BBX: variants seen among roughly 807,000 people sequenced by gnomAD.
The protein encoded by BBX is HMG box transcription factor BBX.
In BBX, 30 loss-of-function variants were observed where a neutral mutation model predicts 100.2. That is an observed-to-expected ratio of 0.30 (90% CI 0.22 to 0.41). The LOEUF (loss-of-function observed/expected upper bound fraction) is 0.41. Among genes scored for constraint, BBX ranks in the 10% least tolerant of loss-of-function variants. BBX has a pLI of 1.00. For missense variants in BBX, 1,023 were observed against 1,129.8 expected, an observed-to-expected ratio of 0.91 and a Z score of 1.35; for synonymous variants, 376 against 388.1, an observed-to-expected ratio of 0.97 and a Z score of 0.37.
intron 5 of BBX, among the ~76,000 whole-genome samples, chr3:107,725,118 C>T (rs1384111216): frequency 1.3e-5 from 2 of 152,054 alleles, no homozygotes; most frequent in Admixed American, 1.3e-4. Context: ...TGAAGAGGTC[C>T]TTCACATCCC....
At chr3:107,583,021 CG>C (rs1386870876) in intron 2 of BBX, among the ~76,000 whole-genome samples, 1 of 151,398 alleles carries the variant, frequency 6.6e-6, no homozygotes, top group Non-Finnish European at 1.5e-5. Flanking sequence ...TGTCATTAGA[CG>C]CAAGGCTGTT....
intron 3 of BBX, chr3:107,659,881 G>A: frequency 1.9e-6 from 1 of 524,264 alleles, no homozygotes; most frequent in Non-Finnish European, 3.0e-6. Flanking sequence ...AATTAAGAGG[G>A]ACGTATAATA....
chr3:107,736,636 A>G (rs557378979), intron 7 of BBX, among the ~76,000 whole-genome samples: 48 of 152,224 alleles, frequency 3.2e-4, no homozygotes, highest in Admixed American at 6.5e-4. Flanking sequence ...AAATCCTTAT[A>G]TTTGTTAGTT....
intron 2 of BBX, among the ~76,000 whole-genome samples, chr3:107,580,991 A>G (rs897894447): frequency 6.6e-6 from 1 of 152,232 alleles, no homozygotes; most frequent in Non-Finnish European, 1.5e-5. Context: ...TTCTGTAACT[A>G]TGCAAACAAA....
At chr3:107,755,489 G>A (rs1369913887) in intron 9 of BBX, 109 bp from the exon 10 acceptor site, 10 of 885,630 alleles carry the variant, frequency 1.1e-5, no homozygotes, top group Non-Finnish European at 1.7e-5. Context: ...TGGTACATGG[G>A]AGCAATGATA....
At chr3:107,767,066 A>AG (rs2066453397) in intron 10 of BBX, among the ~76,000 whole-genome samples, 1 of 152,210 alleles carries the variant, frequency 6.6e-6, no homozygotes, top group African/African-American at 2.4e-5. Flanking sequence ...ATAGGGAGCT[A>AG]GGGGAGGGAG....
chr3:107,564,079 A>G (rs1400288347), intron 2 of BBX, among the ~76,000 whole-genome samples: 1 of 151,174 alleles, frequency 6.6e-6, no homozygotes, highest in Non-Finnish European at 1.5e-5. Context: ...TTTTTTTTCC[A>G]GTCTGATTTG....
At chr3:107,651,656 A>C (rs1488560723) in intron 3 of BBX, among the ~76,000 whole-genome samples, 2 of 152,120 alleles carry the variant, frequency 1.3e-5, no homozygotes, top group Non-Finnish European at 2.9e-5. Flanking sequence ...TATACTTAAG[A>C]TTTTTGGTAA....
chr3:107,716,450 A>T (rs973516328), intron 4 of BBX, 157 bp from the exon 5 acceptor site: 24 of 863,252 alleles, frequency 2.8e-5, no homozygotes, highest in Middle Eastern at 3.4e-4. Flanking sequence ...CCAACCATGA[A>T]CAGTGGTTGT....
chr3:107,723,114 G>A (rs1409835081), intron 5 of BBX, among the ~76,000 whole-genome samples: 1 of 151,826 alleles, frequency 6.6e-6, no homozygotes, highest in East Asian at 1.9e-4. Flanking sequence ...TCATATATTT[G>A]CACCAGAGTC....
intron 13 of BBX, among the ~76,000 whole-genome samples, chr3:107,788,259 G>A (rs962482797): frequency 3.9e-5 from 6 of 152,168 alleles, no homozygotes; most frequent in Admixed American, 1.3e-4. Context: ...AAAGGAGAGA[G>A]AGGGAAATAT....
At chr3:107,664,217 A>G (rs2058621897) in intron 3 of BBX, among the ~76,000 whole-genome samples, 1 of 152,084 alleles carries the variant, frequency 6.6e-6, no homozygotes, top group Non-Finnish European at 1.5e-5. Context: ...CTTCTTCAGG[A>G]TATATGTTCA....
chr3:107,715,693 A>G (rs2062049066), intron 4 of BBX, among the ~76,000 whole-genome samples: 1 of 152,252 alleles, frequency 6.6e-6, no homozygotes, highest in Non-Finnish European at 1.5e-5. Context: ...AGCCATGTGC[A>G]AGAAGTATTG....
At chr3:107,569,751 G>C (rs1015963950) in intron 2 of BBX, among the ~76,000 whole-genome samples, 8 of 152,220 alleles carry the variant, frequency 5.3e-5, no homozygotes, top group African/African-American at 1.7e-4. Context: ...ATGGAGGCAA[G>C]GGAAACAGGC....
At chr3:107,700,588 CT>C (rs2060970575) in intron 3 of BBX, among the ~76,000 whole-genome samples, 1 of 125,462 alleles carries the variant, frequency 8.0e-6, no homozygotes, top group African/African-American at 3.0e-5. Context: ...TCCCTTCCCC[CT>C]CCCCCCACCC....
chr3:107,582,058 G>A (rs2052317884), intron 2 of BBX, among the ~76,000 whole-genome samples: 1 of 151,712 alleles, frequency 6.6e-6, no homozygotes, highest in South Asian at 2.1e-4. Flanking sequence ...CAAAACTTTA[G>A]GCAGAAGCAG....
rs1230482172 is a variant in BBX at position 107,716,799 on chromosome 3, G to A, written c.355G>A (p.Ala119Thr). The part of the protein sequence containing the change: ...GATKILADWW[A>T]VLDPKEKQKY... ...TACCAAGATACTAGCTGATTGGTGG[G>A]CTGTTCTTGATCCAAAGGAAAAGCA... The change falls in exon 5 of 18, where the codon GCT becomes ACT. Residue 119 changes from alanine to threonine, a missense_variant. Physicochemically the swap from Ala to Thr is moderately conservative, Grantham distance 58 (BLOSUM62 0). Around this residue, in one of 9 missense-constraint regions of BBX, gnomAD observed 229 missense variants for 226.3 expected, o/e 1.01. Transcript: ENST00000325805. 3 of 1,613,548 alleles carry A rather than the reference G, an allele frequency of 1.9e-6. No homozygotes were observed. Among genetic ancestry groups the A allele is most frequent in the Non-Finnish European group, 1.7e-6 (2 of 1,179,688 alleles).
At chr3:107,709,128 A>AT (rs945103393) in intron 3 of BBX, among the ~76,000 whole-genome samples, 10 of 151,780 alleles carry the variant, frequency 6.6e-5, no homozygotes, top group East Asian at 5.8e-4. Context: ...TTGGCTAGCT[A>AT]TTTTTTTTTA....
At chr3:107,718,617 C>G (rs1474341358) in intron 5 of BBX, among the ~76,000 whole-genome samples, 1 of 151,988 alleles carries the variant, frequency 6.6e-6, no homozygotes, top group Admixed American at 6.6e-5. Flanking sequence ...GGATAACATG[C>G]AGCCTGTCCC....
Sources: allele counts gnomAD v4.1 joint callset (sites outside exome capture counted in the v4.1 genomes callset), GRCh38; gene constraint gnomAD v4.1.1; regional missense constraint gnomAD v4.1.1; transcripts MANE v1.5; gene names NCBI Gene and HGNC (gene_info 2026-07-23, HGNC 2026-07-21).